The following ZNF407 variants were observed in gnomAD, a reference collection of about 807,000 sequenced individuals.
The protein encoded by ZNF407 is zinc finger protein 407.
ZNF407 carries 17 observed loss-of-function variants against 131.2 expected under a neutral mutation model. The observed-to-expected ratio is 0.13, with a 90% confidence interval of 0.09 to 0.19. The LOEUF (loss-of-function observed/expected upper bound fraction) is 0.19. Among genes scored for constraint, ZNF407 ranks in the 10% least tolerant of loss-of-function variants. ZNF407 has a pLI of 1.00. For missense variants in ZNF407, 2,681 were observed against 2,830.6 expected (o/e 0.95, Z 1.20); for synonymous variants, 1,156 against 1,062.0 (o/e 1.09, Z -1.72).
At chr18:74,613,211 T>C (rs1983140190) in intron 1 of ZNF407, among the ~76,000 whole-genome samples, 1 of 152,200 alleles carries the variant, frequency 6.6e-6, no homozygotes. Context: ...CAGGGGCACA[T>C]TTGGGGAATC....
chr18:74,783,833 A>C (rs1041446108), intron 4 of ZNF407, among the ~76,000 whole-genome samples: 4 of 152,164 alleles, frequency 2.6e-5, no homozygotes, highest in African/African-American at 9.7e-5. Context: ...TCTTTGACTG[A>C]ATTGTTTTTC....
intron 4 of ZNF407, among the ~76,000 whole-genome samples, chr18:74,796,965 C>G (rs1969931174): frequency 6.6e-6 from 1 of 152,106 alleles, no homozygotes; most frequent in Non-Finnish European, 1.5e-5. Context: ...TTGACAAGAC[C>G]TGCTAGGTGA....
At chr18:74,753,049 G>A (rs542262076) in intron 3 of ZNF407, among the ~76,000 whole-genome samples, 13 of 152,042 alleles carry the variant, frequency 8.6e-5, no homozygotes, top group African/African-American at 4.8e-5. Context: ...CTTTTATTTC[G>A]TTGAGCAGTG....
At chr18:74,605,595 T>C (rs913032102) in intron 1 of ZNF407, among the ~76,000 whole-genome samples, 1 of 152,212 alleles carries the variant, frequency 6.6e-6, no homozygotes, top group African/African-American at 2.4e-5. Flanking sequence ...TCCTCATACA[T>C]AGCAGTTAAG....
intron 8 of ZNF407, among the ~76,000 whole-genome samples, chr18:74,987,605 G>A (rs1012105851): frequency 6.6e-6 from 1 of 152,056 alleles, no homozygotes; most frequent in East Asian, 1.9e-4. Context: ...AACTCTGAGG[G>A]GTTAGTGAAG....
intron 3 of ZNF407, among the ~76,000 whole-genome samples, chr18:74,716,422 C>T (rs1967895799): frequency 6.6e-6 from 1 of 152,162 alleles, no homozygotes; most frequent in African/African-American, 2.4e-5. Context: ...CATTAAGGTA[C>T]ATCAGTTTTA....
At chr18:74,944,619 C>T (rs531408912) in intron 8 of ZNF407, among the ~76,000 whole-genome samples, 39 of 152,322 alleles carry the variant, frequency 2.6e-4, no homozygotes, top group African/African-American at 8.7e-4. Context: ...CACTTAAAAT[C>T]TAAAAATTCA....
At chr18:74,889,355 T>A in intron 6 of ZNF407, among the ~76,000 whole-genome samples, 1 of 152,340 alleles carries the variant, frequency 6.6e-6, no homozygotes, top group Admixed American at 6.5e-5. Flanking sequence ...GGTTGGTATA[T>A]TTTAATGTGG....
In ZNF407 at chr18:75,063,454, C is replaced by A; in HGVS notation, c.5733C>A (p.Val1911=). Reference sequence around the variant, plus strand: ...TGCATATCACGGAGGATGGCCAGGTCATCGCCACGAGTCAGAGCGGGGCAC... The same window carrying A: ...TGCATATCACGGAGGATGGCCAGGTAATCGCCACGAGTCAGAGCGGGGCAC... ...RVVHITEDGQ[V]IATSQSGAHV... is the part of the protein sequence containing the mutation. The change falls in exon 9 of 9, where the codon GTC becomes GTA. Residue 1911 remains valine, a synonymous_variant. Coordinates refer to ENST00000299687, the MANE Select transcript of ZNF407 (RefSeq NM_017757.3). This position sits in a 1 kb window ranked among gnomAD's most constrained non-coding sequence, Gnocchi z 6.6. 6.2e-7 allele frequency: 1 copy of A among 1,607,388 alleles called. No homozygotes were observed. Among genetic ancestry groups the A allele is most frequent in the Non-Finnish European group, 8.5e-7 (1 of 1,177,894 alleles).
intron 3 of ZNF407, among the ~76,000 whole-genome samples, chr18:74,660,386 TCATC>T (rs1477001142): frequency 3.9e-5 from 6 of 152,250 alleles, no homozygotes; most frequent in Admixed American, 3.3e-4. Flanking sequence ...TAATTATTCT[TCATC>T]CATCTAGATC....
chr18:74,724,424 T>G (rs1437014637), intron 3 of ZNF407, among the ~76,000 whole-genome samples: 3 of 152,158 alleles, frequency 2.0e-5, no homozygotes, highest in Non-Finnish European at 4.4e-5. Context: ...AACACCAGAA[T>G]GTATCCCTCC....
intron 4 of ZNF407, among the ~76,000 whole-genome samples, chr18:74,837,242 G>A (rs182263788): frequency 6.6e-6 from 1 of 152,200 alleles, no homozygotes; most frequent in Admixed American, 6.5e-5. Context: ...AAAGAAAATA[G>A]TATATCCCCC....
chr18:75,063,704 G>T lies in ZNF407; in HGVS notation c.5983G>T (p.Ala1995Ser). The stretch of plus-strand genomic sequence containing the variant: ...CTCAGCCCTGGATGCATTGCTCTGT[G>T]CGGTCACTGAATTAGGGGAGGTGGA... ...ASSALDALLC[A>S]VTELGEVEGR... The change falls in exon 9 of 9, where the codon GCG (alanine) becomes TCG (serine). Residue 1995 changes from alanine (A) to serine (S), a missense_variant. Around this residue, in one of 6 missense-constraint regions of ZNF407, gnomAD observed 620 missense variants for 583.1 expected, o/e 1.06. Transcript: ENST00000299687. This position sits in a 1 kb window ranked among gnomAD's most constrained non-coding sequence, Gnocchi z 6.6. 6.2e-7 allele frequency: 1 copy of T among 1,612,282 alleles called. No homozygotes were observed. Among genetic ancestry groups the T allele is most frequent in the Non-Finnish European group, 8.5e-7 (1 of 1,179,706 alleles).
chr18:74,770,946 G>A (rs907077041), intron 3 of ZNF407, among the ~76,000 whole-genome samples: 1 of 152,100 alleles, frequency 6.6e-6, no homozygotes, highest in African/African-American at 2.4e-5. Context: ...TCTTCATAGA[G>A]ATTTTCATTA....
intron 1 of ZNF407, among the ~76,000 whole-genome samples, chr18:74,622,918 CAG>C (rs1983591624): frequency 6.6e-6 from 1 of 151,444 alleles, no homozygotes. Context: ...GTGTGAATGT[CAG>C]TATCTGTGAA....
intron 1 of ZNF407, among the ~76,000 whole-genome samples, chr18:74,620,382 AG>A (rs1184871811): frequency 6.6e-6 from 1 of 152,222 alleles, no homozygotes; most frequent in Non-Finnish European, 1.5e-5. Flanking sequence ...TGATAATGAA[AG>A]GAATGCTGGT....
chr18:74,798,435 A>AT (rs1375846000), intron 4 of ZNF407, among the ~76,000 whole-genome samples: 7 of 152,048 alleles, frequency 4.6e-5, no homozygotes, highest in African/African-American at 9.7e-5. Context: ...AACCAATTCT[A>AT]TTTTTTTACC....
intron 3 of ZNF407, among the ~76,000 whole-genome samples, chr18:74,745,522 C>A (rs1968649013): frequency 6.6e-6 from 1 of 152,144 alleles, no homozygotes; most frequent in Non-Finnish European, 1.5e-5. Context: ...AAAATGTAAT[C>A]ATTTGGTATT....
chr18:74,972,667 G>A (rs1454020269), intron 8 of ZNF407, among the ~76,000 whole-genome samples: 1 of 152,108 alleles, frequency 6.6e-6, no homozygotes, highest in Admixed American at 6.5e-5. Flanking sequence ...TTATTTCAGT[G>A]AACTGACCCT....
Sources: allele counts gnomAD v4.1 joint callset (sites outside exome capture counted in the v4.1 genomes callset), GRCh38; gene constraint gnomAD v4.1.1; regional missense constraint gnomAD v4.1.1; non-coding constraint Gnocchi (gnomAD v3.1); transcripts MANE v1.5; gene names NCBI Gene and HGNC (gene_info 2026-07-23, HGNC 2026-07-21).